CAMK1D: variants seen among roughly 807,000 people sequenced by gnomAD.
CAMK1D encodes calcium/calmodulin dependent protein kinase ID, also known as calcium/calmodulin-dependent protein kinase type 1D.
Under a neutral mutation model 47.7 loss-of-function variants are expected in CAMK1D, and 9 were observed. That is an observed-to-expected ratio of 0.19 (90% CI 0.11 to 0.33). CAMK1D has a LOEUF of 0.33. CAMK1D is among the 10% of genes least tolerant of loss of function. The pLI, the probability that CAMK1D is intolerant of heterozygous loss-of-function variation, is 1.00. For missense variants in CAMK1D, 291 were observed against 488.7 expected (o/e 0.60, Z 3.81); for synonymous variants, 184 against 184.9 (o/e 0.99, Z 0.04).
intron 1 of CAMK1D, among the ~76,000 whole-genome samples, chr10:12,515,678 T>C (rs914774438): frequency 6.7e-6 from 1 of 149,888 alleles, no homozygotes; most frequent in Non-Finnish European, 1.5e-5. Flanking sequence ...GGCGCGATCT[T>C]GGCTCACTGC....
chr10:12,773,495 T>C (rs1837135352), intron 5 of CAMK1D, among the ~76,000 whole-genome samples: 1 of 152,262 alleles, frequency 6.6e-6, no homozygotes, highest in African/African-American at 2.4e-5. Flanking sequence ...GGTATTGTTT[T>C]TATTTGTATT....
chr10:12,571,464 A>AG (rs1182466994), intron 2 of CAMK1D, among the ~76,000 whole-genome samples: 5 of 149,150 alleles, frequency 3.4e-5, no homozygotes, highest in African/African-American at 1.0e-4. Context: ...AAAAAAAAAA[A>AG]AAAAAAAGAA....
chr10:12,782,992 T>G (rs528058786), intron 5 of CAMK1D, among the ~76,000 whole-genome samples: 35 of 94,330 alleles, frequency 3.7e-4, no homozygotes, highest in African/African-American at 1.1e-3. Flanking sequence ...TTTTTTTTTT[T>G]TTTGTTTTTT....
At chr10:12,400,479 A>T (rs926553905) in intron 1 of CAMK1D, among the ~76,000 whole-genome samples, 3 of 152,192 alleles carry the variant, frequency 2.0e-5, no homozygotes, top group African/African-American at 7.2e-5. Context: ...AGGAGTGCAG[A>T]GTTTGGAAGC....
chr10:12,575,253 C>T (rs193199756), intron 2 of CAMK1D, among the ~76,000 whole-genome samples: 15 of 152,010 alleles, frequency 9.9e-5, no homozygotes, highest in African/African-American at 1.9e-4. Context: ...CCACCGGGCC[C>T]GGCTAATTTT....
intron 1 of CAMK1D, among the ~76,000 whole-genome samples, chr10:12,376,041 T>TAC (rs2131864612): frequency 6.6e-6 from 1 of 151,580 alleles, no homozygotes; most frequent in Non-Finnish European, 1.5e-5. Flanking sequence ...TGTGTGCCTG[T>TAC]AGTCCCAGCT....
chr10:12,715,690 G>C (rs560250377), intron 3 of CAMK1D, among the ~76,000 whole-genome samples: 1 of 149,774 alleles, frequency 6.7e-6, no homozygotes, highest in African/African-American at 2.5e-5. Flanking sequence ...ATTATACTTG[G>C]ATCTCGGGGG....
chr10:12,665,092 T>C (rs981966792), intron 2 of CAMK1D, among the ~76,000 whole-genome samples: 3 of 152,240 alleles, frequency 2.0e-5, no homozygotes, highest in Non-Finnish European at 2.9e-5. Context: ...TTTATTTTCA[T>C]ATGCTGTATG....
chr10:12,751,073 T>G (rs112220534), intron 3 of CAMK1D, among the ~76,000 whole-genome samples: 1,287 of 38,204 alleles, frequency 0.034, 29 homozygotes, highest in Non-Finnish European at 0.042. Context: ...TAAGATAAGA[T>G]AAGATAAGAT....
At chr10:12,665,546 G>A (rs1840402938) in intron 2 of CAMK1D, among the ~76,000 whole-genome samples, 1 of 152,218 alleles carries the variant, frequency 6.6e-6, no homozygotes, top group South Asian at 2.1e-4. Flanking sequence ...AGGTTCACAA[G>A]AATCTGCGTG....
At chr10:12,375,239 G>A (rs1838142398) in intron 1 of CAMK1D, among the ~76,000 whole-genome samples, 1 of 152,116 alleles carries the variant, frequency 6.6e-6, no homozygotes, top group South Asian at 2.1e-4. Flanking sequence ...AGTTTATTTG[G>A]TTCTGTTTTA....
At chr10:12,452,234 A>G (rs934245945) in intron 1 of CAMK1D, among the ~76,000 whole-genome samples, 2 of 152,176 alleles carry the variant, frequency 1.3e-5, no homozygotes, top group Admixed American at 6.5e-5. Flanking sequence ...GGTTCTTAAA[A>G]AAATGGTAAT....
chr10:12,742,854 A>G (rs1835494951), intron 3 of CAMK1D, among the ~76,000 whole-genome samples: 1 of 152,176 alleles, frequency 6.6e-6, no homozygotes. Flanking sequence ...CATGCTTTAG[A>G]GTTCTTCCAG....
Position 12,546,852 on chromosome 10 carries a change from A to T in CAMK1D, c.93-6373A>T, listed in dbSNP as rs1836392187. 1.3e-5 allele frequency among the ~76,000 whole-genome samples: 2 copies of T among 152,072 alleles called. 1 individual carries two copies. The highest frequency in any genetic ancestry group is 4.1e-4 in the South Asian group (2 of 4,828). On this transcript the variant is annotated intron_variant, in intron 1 of 10. Transcript: ENST00000619168. ...AGGGATAGCATTAGGAGATATACCT[A>T]ATGCTAAATGACGAGTTAATGGGTG...
chr10:12,560,555 GAA>G (rs1164348622), intron 2 of CAMK1D, among the ~76,000 whole-genome samples: 1,378 of 105,602 alleles, frequency 0.013, 26 homozygotes, highest in African/African-American at 0.051. Flanking sequence ...CTCTATCTCG[GAA>G]AAAAAAAAAA....
chr10:12,514,075 C>T (rs1835117034), intron 1 of CAMK1D, among the ~76,000 whole-genome samples: 2 of 152,138 alleles, frequency 1.3e-5, no homozygotes, highest in African/African-American at 4.8e-5. Flanking sequence ...ACAGAGTTTC[C>T]CTGACTTGCT....
chr10:12,830,498 C>T lies in CAMK1D; in HGVS notation c.*1611C>T, dbSNP rs1402733101. 1.3e-5 allele frequency: 2 copies of T among 152,226 alleles called. No homozygotes were observed. The highest frequency in any genetic ancestry group is 2.9e-5 in the Non-Finnish European group (2 of 68,060). The allele number at this position is 152,226 out of a possible 1,614,324, so 9.4% of individuals were successfully genotyped here. Reference sequence around the variant, plus strand: ...CATGGTGGTAGGGTCACCAAACGTCCCATTTGCCCGAGACTGAAGGATTTC... The same window carrying T: ...CATGGTGGTAGGGTCACCAAACGTCTCATTTGCCCGAGACTGAAGGATTTC... On this transcript the variant is annotated 3_prime_UTR_variant, in exon 11 of 11. Coordinates refer to ENST00000619168, the MANE Select transcript of CAMK1D (RefSeq NM_153498.4).
intron 8 of CAMK1D, among the ~76,000 whole-genome samples, chr10:12,821,115 G>A (rs1009811079): frequency 5.9e-5 from 9 of 152,182 alleles, no homozygotes; most frequent in African/African-American, 2.2e-4. Flanking sequence ...GAGACCCAGG[G>A]AAGAGCTGAT....
intron 6 of CAMK1D, among the ~76,000 whole-genome samples, chr10:12,811,215 G>T (rs953906155): frequency 6.6e-6 from 1 of 152,054 alleles, no homozygotes; most frequent in Non-Finnish European, 1.5e-5. Flanking sequence ...TTATTTAAAC[G>T]GTTGGATATG....
Sources: allele counts gnomAD v4.1 joint callset (sites outside exome capture counted in the v4.1 genomes callset), GRCh38; gene constraint gnomAD v4.1.1; transcripts MANE v1.5; gene names NCBI Gene and HGNC (gene_info 2026-07-23, HGNC 2026-07-21).